Variants in SLC27A2 observed in about 807,000 individuals in gnomAD.
SLC27A2 encodes the protein long-chain fatty acid transport protein 2.
SLC27A2 carries 54 observed loss-of-function variants against 60.0 expected under a neutral mutation model. That is an observed-to-expected ratio of 0.90 (90% confidence interval 0.72 to 1.13). The LOEUF (loss-of-function observed/expected upper bound fraction) is 1.13, where lower values mean the gene tolerates loss of function less well. SLC27A2 is among the 50% of genes most tolerant of loss of function. The pLI, the probability that SLC27A2 is intolerant of heterozygous loss-of-function variation, is 0.00. For missense variants in SLC27A2, 739 were observed against 777.6 expected, an observed-to-expected ratio of 0.95 and a Z score of 0.59; for synonymous variants, 297 against 297.6, an observed-to-expected ratio of 1.00 and a Z score of 0.02.
At chr15:50,187,909 A>C (rs2044938053) in intron 1 of SLC27A2, among the ~76,000 whole-genome samples, 1 of 151,924 alleles carries the variant, frequency 6.6e-6, no homozygotes, top group Non-Finnish European at 1.5e-5. Flanking sequence ...ATTGAGAAAA[A>C]CTGATGGTAC....
intron 5 of SLC27A2, 33 bp downstream of exon 5, chr15:50,223,192 C>A: frequency 6.6e-7 from 1 of 1,518,214 alleles, no homozygotes; most frequent in African/African-American, 1.4e-5. Context: ...GCATACGTAG[C>A]CAGTTTTCAG....
At chr15:50,224,492 C>G (rs1464974762) in intron 5 of SLC27A2, among the ~76,000 whole-genome samples, 1 of 152,134 alleles carries the variant, frequency 6.6e-6, no homozygotes, top group Non-Finnish European at 1.5e-5. Context: ...AGGCTATAGC[C>G]CAATGCCTGT....
rs200561074 is a variant in SLC27A2, at chr15:50,233,926, T to A, written c.1614T>A (p.Asp538Glu). 222 of 1,613,884 alleles carry A rather than the reference T, an allele frequency of 1.4e-4. No individual in the cohort carries two copies. The highest frequency in any genetic ancestry group is 1.7e-4 in the Non-Finnish European group (196 of 1,179,886). The change falls in exon 9 of 10, where the codon GAT (aspartate) becomes GAA (glutamate). Residue 538 changes from aspartate (D) to glutamate (E), a missense_variant. Transcript: ENST00000267842. ...AAATGAAAGAAAACCATGAATTTGATGGAAAGAAACTCTTTCAGCACATTG... is the reference window on the plus strand; with the variant it reads ...AAATGAAAGAAAACCATGAATTTGAAGGAAAGAAACTCTTTCAGCACATTG... ...SIKMKENHEF[D>E]GKKLFQHIAD... is the part of the protein sequence containing the mutation.
At chr15:50,206,049 C>G (rs2045109343) in intron 4 of SLC27A2, among the ~76,000 whole-genome samples, 1 of 152,154 alleles carries the variant, frequency 6.6e-6, no homozygotes, top group African/African-American at 2.4e-5. Context: ...AAGAGCTCCT[C>G]CTGCCCAGTC....
chr15:50,218,331 A>G (rs566158454), intron 4 of SLC27A2, among the ~76,000 whole-genome samples: 3 of 152,156 alleles, frequency 2.0e-5, no homozygotes, highest in Non-Finnish European at 2.9e-5. Flanking sequence ...ATTAGAGACT[A>G]ATCAAAGAGG....
chr15:50,182,300 G>T lies in SLC27A2; in HGVS notation c.-128G>T. 7.7e-7 allele frequency: 1 copy of T among 1,305,894 alleles called. No homozygotes were observed. The highest frequency in any genetic ancestry group is 4.2e-5 in the Admixed American group (1 of 23,972). 80.9% of individuals were successfully genotyped at this position (1,305,894 alleles called of 1,614,324 possible). On this transcript the variant is annotated 5_prime_UTR_variant, in exon 1 of 10. Coordinates refer to ENST00000267842, the MANE Select transcript of SLC27A2 (RefSeq NM_003645.4). ...CTCTGTCTTCCCCTTCATCTCACGCGAGCCCGGCGTCCCGCCGCGTGCGCC... is the reference window on the plus strand; with the variant it reads ...CTCTGTCTTCCCCTTCATCTCACGCTAGCCCGGCGTCCCGCCGCGTGCGCC...
At chr15:50,212,070 C>CAAAA (rs1171050015) in intron 4 of SLC27A2, among the ~76,000 whole-genome samples, 1 of 48,528 alleles carries the variant, frequency 2.1e-5, no homozygotes, top group Non-Finnish European at 4.1e-5. Context: ...GACTCTGTCT[C>CAAAA]AAAAAAAAAA....
intron 4 of SLC27A2, among the ~76,000 whole-genome samples, chr15:50,207,518 G>A (rs530928159): frequency 1.2e-4 from 18 of 151,996 alleles, no homozygotes; most frequent in East Asian, 7.7e-4. Context: ...GTCCAGGCAC[G>A]GTGGCTCATG....
At chr15:50,185,942 T>G (rs1019656749) in intron 1 of SLC27A2, among the ~76,000 whole-genome samples, 3 of 151,998 alleles carry the variant, frequency 2.0e-5, no homozygotes, top group Middle Eastern at 3.4e-3. Context: ...AGCTTACTTT[T>G]AAAAACATTC....
chr15:50,212,515 G>A (rs1453577348), intron 4 of SLC27A2, among the ~76,000 whole-genome samples: 1 of 152,204 alleles, frequency 6.6e-6, no homozygotes, highest in Non-Finnish European at 1.5e-5. Flanking sequence ...TTAAGACCAA[G>A]GAAAGAATCT....
chr15:50,231,403 G>A (rs1412882723), intron 8 of SLC27A2, among the ~76,000 whole-genome samples: 2 of 151,976 alleles, frequency 1.3e-5, no homozygotes, highest in African/African-American at 4.8e-5. Flanking sequence ...CCCCGACCTT[G>A]GCCTCCCAAA....
chr15:50,223,538 GT>G (rs72362468), intron 5 of SLC27A2, among the ~76,000 whole-genome samples: 23,783 of 152,022 alleles, frequency 0.16, 1,886 homozygotes, highest in Middle Eastern at 0.18. Flanking sequence ...CACCTGGGGA[GT>G]TTTTTTTATA....
In SLC27A2 at chr15:50,226,210, C is replaced by T. The variant is rs1431446047; in HGVS notation, c.1258+132C>T. The T allele has an allele frequency of 2.3e-5, 13 of 575,446 alleles. No homozygotes were observed. The East Asian group carries it at 3.3e-4, about 15-fold the overall frequency. 35.6% of individuals were successfully genotyped at this position (575,446 alleles called of 1,614,324 possible). A position where few individuals can be genotyped will look rare whatever the true frequency, so the allele number is the denominator to read the frequency against. On this transcript the variant is annotated intron_variant, in intron 6 of 9. Transcript: ENST00000267842. ...GAAAAGGGGGGTTTATTTAAGTACC[C>T]TCCAATATACAGGAATTCCAAAGGT...
intron 4 of SLC27A2, among the ~76,000 whole-genome samples, chr15:50,217,012 C>T (rs1275760754): frequency 1.3e-5 from 2 of 150,818 alleles, no homozygotes; most frequent in South Asian, 2.1e-4. Flanking sequence ...AACCAGACAT[C>T]GTATGTTCTT....
chr15:50,233,794 C>T (rs775122549), intron 8 of SLC27A2, 74 bp from the exon 9 acceptor site: 25 of 1,341,190 alleles, frequency 1.9e-5, no homozygotes, highest in Non-Finnish European at 2.5e-5. Flanking sequence ...GTTGTCTGAG[C>T]CCACAGTTCT....
intron 1 of SLC27A2, among the ~76,000 whole-genome samples, chr15:50,184,453 G>A (rs756286318): frequency 1.3e-5 from 2 of 152,138 alleles, no homozygotes; most frequent in Non-Finnish European, 2.9e-5. Flanking sequence ...TCACTTGTGA[G>A]AAACCAGGAA....
intron 4 of SLC27A2, among the ~76,000 whole-genome samples, chr15:50,206,725 T>C (rs1012777343): frequency 5.3e-5 from 8 of 152,182 alleles, no homozygotes; most frequent in Admixed American, 1.3e-4. Context: ...CTCTGTCCAC[T>C]ACCAGATCTA....
At chr15:50,234,027 A>T in intron 9 of SLC27A2, 29 bp downstream of exon 9, 2 of 1,567,638 alleles carry the variant, frequency 1.3e-6, no homozygotes, top group Middle Eastern at 3.4e-4. Context: ...CAGTTCAATG[A>T]TCTGTCCTCT....
intron 4 of SLC27A2, among the ~76,000 whole-genome samples, chr15:50,211,799 T>C (rs1181202110): frequency 6.6e-6 from 1 of 151,998 alleles, no homozygotes; most frequent in African/African-American, 2.4e-5. Flanking sequence ...GGGCCAGGCA[T>C]GGTGGCTGAA....
Sources: gnomAD v4.1 joint callset for allele counts (sites outside exome capture counted in the v4.1 genomes callset) on GRCh38, gnomAD v4.1.1 for gene constraint, MANE v1.5 for transcripts, NCBI Gene and HGNC (gene_info 2026-07-23, HGNC 2026-07-21) for gene names.